Variants in ANKRD36 observed in about 807,000 individuals in gnomAD.
The protein encoded by ANKRD36 is ankyrin repeat domain-containing protein 36A.
Under a neutral mutation model 278.1 loss-of-function variants are expected in ANKRD36, and 179 were observed. The observed-to-expected ratio is 0.64, with a 90% CI of 0.57 to 0.73. ANKRD36 has a LOEUF of 0.73. Ranked by LOEUF, ANKRD36 falls within the 30% of genes least tolerant of loss-of-function variation. The pLI, the probability that ANKRD36 is intolerant of heterozygous loss-of-function variation, is 0.00. For missense variants in ANKRD36, 1,159 were observed against 1,956.7 expected (o/e 0.59, Z 7.69); for synonymous variants, 320 against 641.1 (o/e 0.50, Z 7.57).
chr2:97,191,142 A>G lies in ANKRD36; in HGVS notation c.2308A>G (p.Ile770Val), dbSNP rs763225438. 6 of 1,599,112 alleles carry G rather than the reference A, an allele frequency of 3.8e-6. No individual in the cohort carries two copies. The African/African-American group carries it at 5.4e-5, about 14-fold the overall frequency. The change falls in exon 36 of 76, where the codon ATA (isoleucine) becomes GTA (valine). Residue 770 changes from isoleucine (I) to valine (V), a missense_variant. Coordinates refer to ENST00000420699, the MANE Select transcript of ANKRD36 (RefSeq NM_001354587.1). ...TGATGAGAAAGATTCTGTTTCGAAC[A>G]TAGCCACAGAAATAAAGGATGGAGA... The part of the protein sequence containing the change: ...TTDEKDSVSN[I>V]ATEIKDGEKS...
chr2:97,222,250 T>G (rs4645037), intron 66 of ANKRD36, among the ~76,000 whole-genome samples: 27,270 of 150,648 alleles, frequency 0.18, 3,449 homozygotes, highest in South Asian at 0.6. Context: ...TAGGATTGAC[T>G]TGGCGATGCG....
intron 11 of ANKRD36, 92 bp from the exon 12 acceptor site, chr2:97,149,203 T>C (rs2045223437): frequency 9.9e-7 from 1 of 1,013,614 alleles, no homozygotes; most frequent in Non-Finnish European, 1.5e-6. Context: ...TTACCATTTT[T>C]TTGGAGTGGA....
intron 75 of ANKRD36, among the ~76,000 whole-genome samples, chr2:97,259,117 CT>C (rs1437615745): frequency 7.9e-6 from 1 of 125,964 alleles, no homozygotes; most frequent in African/African-American, 2.8e-5. Flanking sequence ...CTCACTGATT[CT>C]TTTTTTCTGC....
intron 22 of ANKRD36, among the ~76,000 whole-genome samples, chr2:97,175,177 A>G (rs1370019821): frequency 1.3e-5 from 2 of 149,418 alleles, no homozygotes; most frequent in African/African-American, 2.4e-5. Flanking sequence ...TTTTCTATTG[A>G]TTGGAATAGT....
Position 97,118,515 on chromosome 2 carries a change from A to C in ANKRD36, c.484A>C (p.Lys162Gln). The change falls in exon 3 of 76, where the codon AAG (lysine) becomes CAG (glutamine). Residue 162 changes from lysine (K) to glutamine (Q), a missense_variant and splice_region_variant. By Grantham distance (53) the Lys-to-Gln change is moderately conservative. Transcript: ENST00000420699. ...TGGTACAAATATTGAAGAATGCAGC[A>C]AGGTATAGGTCAACCAATGTTATTT... Reference protein sequence around the residue: ...SHGTNIEECSKCEYQPLLFAV... With the variant: ...SHGTNIEECSQCEYQPLLFAV... 3 of 1,581,510 alleles carry C rather than the reference A, an allele frequency of 1.9e-6. No individual in the cohort carries two copies. In the South Asian group the frequency reaches 3.5e-5, roughly 18 times the overall value.
At chr2:97,206,770 A>G (rs900022097) in intron 52 of ANKRD36, among the ~76,000 whole-genome samples, 20 of 151,476 alleles carry the variant, frequency 1.3e-4, no homozygotes, top group Non-Finnish European at 2.5e-4. Context: ...TGGCATAAAA[A>G]CACACTGACT....
intron 58 of ANKRD36, chr2:97,212,891 GCTGATCAATTTAGGACACTTCCA>G: frequency 4.7e-6 from 1 of 213,228 alleles, no homozygotes; most frequent in East Asian, 1.5e-4. Context: ...CATAATCCAA[GCTGATCAATTTAGGACACTTCCA>G]CTGAAGAGAC....
At chr2:97,193,825 A>T (rs1409193450) in intron 38 of ANKRD36, among the ~76,000 whole-genome samples, 2 of 151,646 alleles carry the variant, frequency 1.3e-5, no homozygotes. Flanking sequence ...TTGGATAAAA[A>T]AGCTATTTAA....
At chr2:97,121,333 A>G (rs985211676) in intron 3 of ANKRD36, among the ~76,000 whole-genome samples, 11 of 152,194 alleles carry the variant, frequency 7.2e-5, no homozygotes, top group African/African-American at 2.2e-4. Flanking sequence ...TCTCTTCAGC[A>G]TTGCCTCCTA....
intron 6 of ANKRD36, among the ~76,000 whole-genome samples, chr2:97,142,077 G>A (rs1204543361): frequency 6.7e-6 from 1 of 150,116 alleles, no homozygotes; most frequent in Non-Finnish European, 1.5e-5. Flanking sequence ...AATGAATACT[G>A]TCTACTAGGA....
At chr2:97,125,014 C>A (rs1396357332) in intron 5 of ANKRD36, among the ~76,000 whole-genome samples, 2 of 151,690 alleles carry the variant, frequency 1.3e-5, no homozygotes, top group African/African-American at 4.8e-5. Flanking sequence ...TCTACTATAG[C>A]CTGATCATGG....
At chr2:97,124,271 T>G in intron 4 of ANKRD36, among the ~76,000 whole-genome samples, 189 bp from the exon 5 acceptor site, 1 of 151,920 alleles carries the variant, frequency 6.6e-6, no homozygotes, top group Admixed American at 6.6e-5. Flanking sequence ...AGGCTTCCTT[T>G]TTGTTCCTTG....
At chr2:97,156,972 T>A (rs1254444755) in intron 15 of ANKRD36, among the ~76,000 whole-genome samples, 9 of 151,990 alleles carry the variant, frequency 5.9e-5, no homozygotes. Flanking sequence ...TGATGGCCAG[T>A]GATGGTGAGC....
At chr2:97,158,262 C>A (rs4630804) in intron 16 of ANKRD36, 95 bp downstream of exon 16, 11 of 1,345,926 alleles carry the variant, frequency 8.2e-6, no homozygotes, top group Middle Eastern at 1.9e-4. Flanking sequence ...GTGTTACTCA[C>A]TGTTGCCCAG....
chr2:97,200,024 C>G (rs1325884302), intron 44 of ANKRD36, among the ~76,000 whole-genome samples: 1 of 151,902 alleles, frequency 6.6e-6, no homozygotes, highest in Non-Finnish European at 1.5e-5. Flanking sequence ...AGTTGCTCCT[C>G]TGATTTTAGA....
chr2:97,164,510 T>C (rs1291931039), intron 20 of ANKRD36, 41 bp downstream of exon 20: 2 of 1,519,572 alleles, frequency 1.3e-6, no homozygotes, highest in African/African-American at 1.4e-5. Context: ...AAAATGTAGA[T>C]GAAAATATTG....
At chr2:97,204,531 C>T (rs1228230523) in intron 50 of ANKRD36, among the ~76,000 whole-genome samples, 3 of 151,256 alleles carry the variant, frequency 2.0e-5, no homozygotes, top group African/African-American at 7.3e-5. Context: ...CGGGGAACAA[C>T]ATAATTTTGC....
chr2:97,262,952 A>G (rs1576712001), intron 75 of ANKRD36, among the ~76,000 whole-genome samples: 1 of 144,928 alleles, frequency 6.9e-6, no homozygotes, highest in East Asian at 2.7e-4. Flanking sequence ...TAAATTACCT[A>G]GTCTCAGCTA....
At chr2:97,129,378 G>C (rs2039470475) in intron 6 of ANKRD36, among the ~76,000 whole-genome samples, 1 of 151,958 alleles carries the variant, frequency 6.6e-6, no homozygotes, top group South Asian at 2.1e-4. Flanking sequence ...TTAGCCCTTT[G>C]TCAGATGAGT....
Sources: gnomAD v4.1 joint callset for allele counts (sites outside exome capture counted in the v4.1 genomes callset) on GRCh38, gnomAD v4.1.1 for gene constraint, MANE v1.5 for transcripts, NCBI Gene and HGNC (gene_info 2026-07-23, HGNC 2026-07-21) for gene names.